Variants in LMLN observed in about 807,000 individuals in gnomAD.
LMLN encodes leishmanolysin like peptidase, also known as leishmanolysin-like peptidase.
Under a neutral mutation model 92.3 loss-of-function variants are expected in LMLN, and 70 were observed. The ratio of observed to expected loss-of-function variants is 0.76; its 90% CI spans 0.63 to 0.92. The LOEUF (loss-of-function observed/expected upper bound fraction) is 0.92, where lower values mean the gene tolerates loss of function less well. LMLN is among the 40% of genes least tolerant of loss of function. The probability of loss-of-function intolerance (pLI) is 0.00; values close to 1 mark genes in which losing one functional copy is unlikely to be tolerated. For synonymous variants in LMLN, 308 were observed against 296.2 expected (o/e 1.04, Z -0.41); for missense variants, 691 against 814.6 (o/e 0.85, Z 1.85).
chr3:197,962,072 T>C (rs1294304678), intron 1 of LMLN, among the ~76,000 whole-genome samples: 3 of 152,172 alleles, frequency 2.0e-5, no homozygotes, highest in African/African-American at 7.2e-5. Context: ...ACATAAAGCA[T>C]ACAACCCATC....
intron 3 of LMLN, among the ~76,000 whole-genome samples, 198 bp from the exon 4 acceptor site, chr3:197,975,831 G>A (rs535122757): frequency 1.2e-4 from 19 of 152,264 alleles, no homozygotes; most frequent in Admixed American, 3.9e-4. Flanking sequence ...TTCCCAAGCT[G>A]AACTAGAAAA....
At chr3:197,988,744 C>T (rs148555027) in intron 8 of LMLN, among the ~76,000 whole-genome samples, 9,837 of 152,032 alleles carry the variant, frequency 0.065, 375 homozygotes, top group African/African-American at 0.1. Flanking sequence ...TGCTGTGGCG[C>T]GATCTCGGCT....
chr3:198,022,568 T>G (rs915816412), intron 13 of LMLN, among the ~76,000 whole-genome samples: 2 of 152,200 alleles, frequency 1.3e-5, no homozygotes, highest in Admixed American at 1.3e-4. Context: ...ATTCAATAAA[T>G]GTCCTGGCCA....
chr3:198,036,727 A>T (rs1723244447), intron 15 of LMLN, among the ~76,000 whole-genome samples: 1 of 152,200 alleles, frequency 6.6e-6, no homozygotes, highest in South Asian at 2.1e-4. Context: ...GTTCAAACTG[A>T]GGCTGATAAT....
intron 5 of LMLN, among the ~76,000 whole-genome samples, chr3:197,977,336 C>A (rs1364805998): frequency 6.6e-6 from 1 of 151,992 alleles, no homozygotes. Context: ...GAAACACAGA[C>A]AATAAAAAAA....
At chr3:197,988,481 C>CTTTTTTTTTTTTT (rs67505779) in intron 8 of LMLN, among the ~76,000 whole-genome samples, 2 of 42,016 alleles carry the variant, frequency 4.8e-5, no homozygotes, top group African/African-American at 1.0e-4. Context: ...GGATTTACCC[C>CTTTTTTTTTTTTT]TTTTTTTTTT....
At chr3:197,965,401 GT>G (rs975759329) in intron 1 of LMLN, among the ~76,000 whole-genome samples, 7 of 151,278 alleles carry the variant, frequency 4.6e-5, no homozygotes, top group Admixed American at 2.6e-4. Flanking sequence ...ATATTCTATA[GT>G]TTTTTTTTAT....
chr3:197,967,785 G>A (rs966913577), intron 1 of LMLN, among the ~76,000 whole-genome samples: 6 of 152,174 alleles, frequency 3.9e-5, no homozygotes, highest in Admixed American at 3.9e-4. Context: ...ACATAAGACA[G>A]ACACTTCCAG....
intron 11 of LMLN, among the ~76,000 whole-genome samples, chr3:198,015,905 A>T (rs1722625223): frequency 6.6e-6 from 1 of 152,196 alleles, no homozygotes; most frequent in South Asian, 2.1e-4. Context: ...TTTAAAAAAA[A>T]ATTCCCCTGG....
At chr3:198,021,664 T>C (rs1489359086) in intron 13 of LMLN, 59 bp downstream of exon 14, 1 of 1,481,770 alleles carries the variant, frequency 6.7e-7, no homozygotes, top group Non-Finnish European at 9.3e-7. Flanking sequence ...ATTAGCAATA[T>C]AGAATCGTGG....
At chr3:198,026,967 AGTACACTCTCCT>A (rs1315370026) in intron 14 of LMLN, among the ~76,000 whole-genome samples, 1 of 152,184 alleles carries the variant, frequency 6.6e-6, no homozygotes, top group Non-Finnish European at 1.5e-5. Flanking sequence ...TATATGTATC[AGTACACTCTCCT>A]GTGAGTGCGT....
intron 1 of LMLN, 46 bp downstream of exon 1, chr3:197,960,486 C>T: frequency 1.3e-6 from 2 of 1,555,370 alleles, no homozygotes; most frequent in Non-Finnish European, 1.8e-6. Flanking sequence ...GTAAAGTCAC[C>T]CAGAAGGAGC....
intron 13 of LMLN, among the ~76,000 whole-genome samples, chr3:198,024,222 T>G (rs1722858136): frequency 6.6e-6 from 1 of 150,786 alleles, no homozygotes; most frequent in Non-Finnish European, 1.5e-5. Context: ...AATTTTTTTT[T>G]TTTTTTTTTT....
intron 9 of LMLN, among the ~76,000 whole-genome samples, chr3:197,991,398 A>C (rs1721865133): frequency 6.6e-6 from 1 of 151,670 alleles, no homozygotes; most frequent in African/African-American, 2.4e-5. Flanking sequence ...GAGTCACCAC[A>C]CTTGGCCAAG....
At chr3:197,968,026 G>A (rs1356340152) in intron 1 of LMLN, among the ~76,000 whole-genome samples, 2 of 152,154 alleles carry the variant, frequency 1.3e-5, no homozygotes, top group African/African-American at 4.8e-5. Context: ...TTTTCAAGGT[G>A]CACTGATTTC....
chr3:198,024,588 G>A, intron 13 of LMLN, 70 bp from the exon 15 acceptor site: 1 of 1,290,530 alleles, frequency 7.7e-7, no homozygotes, highest in South Asian at 1.7e-5. Context: ...TCATAAAAAT[G>A]GAATGGTTCA....
chr3:198,006,859 C>T (rs1246738998), intron 11 of LMLN, among the ~76,000 whole-genome samples: 2 of 152,092 alleles, frequency 1.3e-5, no homozygotes, highest in African/African-American at 4.8e-5. Flanking sequence ...ACTACAGGCA[C>T]GTACCACTAT....
intron 8 of LMLN, among the ~76,000 whole-genome samples, chr3:197,990,154 C>G (rs766499368): frequency 6.6e-6 from 1 of 152,142 alleles, no homozygotes; most frequent in Non-Finnish European, 1.5e-5. Context: ...CGTCAACCTC[C>G]TGGGCTCAAG....
chr3:197,982,283 T>C (rs1201154748), intron 6 of LMLN, among the ~76,000 whole-genome samples: 1 of 144,714 alleles, frequency 6.9e-6, no homozygotes, highest in African/African-American at 2.7e-5. Flanking sequence ...TGGAGTGCAA[T>C]GGCATGATCT....
Sources: allele counts gnomAD v4.1 joint callset (sites outside exome capture counted in the v4.1 genomes callset), GRCh38; gene constraint gnomAD v4.1.1; transcripts MANE v1.5; gene names NCBI Gene and HGNC (gene_info 2026-07-23, HGNC 2026-07-21).